MAPK8IP3: variants seen among roughly 807,000 people sequenced by gnomAD.
The protein encoded by MAPK8IP3 is C-Jun-amino-terminal kinase-interacting protein 3.
Under a neutral mutation model 157.8 loss-of-function variants are expected in MAPK8IP3, and 49 were observed. The observed-to-expected ratio is 0.31, with a 90% CI of 0.25 to 0.39. The LOEUF (loss-of-function observed/expected upper bound fraction) is 0.39, where lower values mean the gene tolerates loss of function less well. Ranked by LOEUF, MAPK8IP3 falls within the 10% of genes least tolerant of loss-of-function variation. The probability of loss-of-function intolerance (pLI) is 1.00; values close to 1 mark genes in which losing one functional copy is unlikely to be tolerated. For synonymous variants in MAPK8IP3, 897 were observed against 777.7 expected (o/e 1.15, Z -2.55); for missense variants, 1,478 against 1,889.4 (o/e 0.78, Z 4.04).
At chr16:1,767,085 C>T in intron 25 of MAPK8IP3, 64 bp from the exon 26 acceptor site, 3 of 1,595,804 alleles carry the variant, frequency 1.9e-6, no homozygotes, top group East Asian at 2.2e-5. Context: ...GGTGTCTCAA[C>T]CCGATGCCCT....
chr16:1,759,861 AC>A (rs1282928464), intron 10 of MAPK8IP3, 96 bp from the exon 11 acceptor site: 11 of 1,085,272 alleles, frequency 1.0e-5, no homozygotes, highest in African/African-American at 4.6e-5. Flanking sequence ...CAGCCAGGCT[AC>A]CCTCTTTGGA....
chr16:1,734,010 C>A (rs767050046), intron 4 of MAPK8IP3, among the ~76,000 whole-genome samples: 15 of 152,236 alleles, frequency 9.9e-5, no homozygotes, highest in African/African-American at 1.9e-4. Flanking sequence ...AGGAAGCCTC[C>A]ATTTGTGAAA....
At chr16:1,739,130 G>A (rs1370927658) in intron 4 of MAPK8IP3, among the ~76,000 whole-genome samples, 19 of 126,972 alleles carry the variant, frequency 1.5e-4, no homozygotes, top group Non-Finnish European at 2.5e-4. Context: ...CCGTGTGAGC[G>A]TGTGACCGTC....
intron 4 of MAPK8IP3, among the ~76,000 whole-genome samples, chr16:1,736,120 G>A (rs1430527200): frequency 2.2e-5 from 3 of 134,490 alleles, no homozygotes; most frequent in African/African-American, 8.4e-5. Context: ...GTGACCGTCC[G>A]TGTGTGTGAC....
Position 1,767,714 on chromosome 16 carries a change from C to T in MAPK8IP3, c.3388C>T (p.Pro1130Ser). 6.2e-7 allele frequency: 1 copy of T among 1,612,734 alleles called. No individual in the cohort carries two copies. The highest frequency in any genetic ancestry group is 8.5e-7 in the Non-Finnish European group (1 of 1,179,956). The change falls in exon 27 of 32, where the codon CCC becomes TCC. Residue 1130 changes from proline to serine, a missense_variant. Pro to Ser is a moderately conservative substitution (Grantham distance 74). This residue lies in a region of MAPK8IP3 where 68 missense variants were observed against 125.1 expected (regional missense o/e 0.54). Coordinates refer to ENST00000610761, the MANE Select transcript of MAPK8IP3 (RefSeq NM_001318852.2). ...GCATCTACAGGACGTGGACATTGAG[C>T]CCTACGTCAGCAAGATGCTAGGTGA... ...HQHLQDVDIE[P>S]YVSKMLGTGK...
In MAPK8IP3 at chr16:1,724,728, G is replaced by T. The variant is rs1390513494; in HGVS notation, c.439+51G>T. 6.3e-7 allele frequency: 1 copy of T among 1,590,012 alleles called. No homozygotes were observed. The highest frequency in any genetic ancestry group is 8.6e-7 in the Non-Finnish European group (1 of 1,165,442). The stretch of plus-strand genomic sequence containing the variant: ...GCGCGCTTGATGGGCGCTGCTCTGG[G>T]ACGGCTCTGGTTGGGGTGGGCATGG... On this transcript the variant is annotated intron_variant, in intron 2 of 31. Transcript: ENST00000610761. This position sits in a 1 kb window ranked among gnomAD's most constrained non-coding sequence, Gnocchi z 4.1.
intron 5 of MAPK8IP3, chr16:1,745,160 G>A (rs937452221): frequency 2.3e-5 from 23 of 985,290 alleles, no homozygotes; most frequent in African/African-American, 1.2e-4. Flanking sequence ...GTAGGGTGAC[G>A]GAGAGCTAGG....
intron 4 of MAPK8IP3, among the ~76,000 whole-genome samples, chr16:1,730,995 C>T (rs1445556047): frequency 6.6e-6 from 1 of 152,038 alleles, no homozygotes; most frequent in Non-Finnish European, 1.5e-5. Context: ...CAAAAATTAG[C>T]TGGGTGTGGT....
At chr16:1,736,596 ATG>A (rs1402867615) in intron 4 of MAPK8IP3, among the ~76,000 whole-genome samples, 2 of 31,302 alleles carry the variant, frequency 6.4e-5, no homozygotes, top group Admixed American at 7.2e-4. Context: ...GTGACCATCC[ATG>A]TGAGCATCCG....
At chr16:1,735,816 C>A (rs553148613) in intron 4 of MAPK8IP3, among the ~76,000 whole-genome samples, 2 of 136,684 alleles carry the variant, frequency 1.5e-5, no homozygotes, top group Non-Finnish European at 3.1e-5. Flanking sequence ...TGTGACCATC[C>A]GTGTGACCGT....
At chr16:1,709,669 G>A (rs2037637119) in intron 1 of MAPK8IP3, among the ~76,000 whole-genome samples, 1 of 152,258 alleles carries the variant, frequency 6.6e-6, no homozygotes, top group South Asian at 2.1e-4. Flanking sequence ...CAGCTGAACG[G>A]GGTGGGGGCT....
intron 1 of MAPK8IP3, among the ~76,000 whole-genome samples, chr16:1,708,795 G>C (rs1024937970): frequency 2.6e-5 from 4 of 152,128 alleles, no homozygotes; most frequent in African/African-American, 9.7e-5. Flanking sequence ...ACGCTAACGG[G>C]GCGCCCTTGG....
chr16:1,736,548 G>C (rs1267633377), intron 4 of MAPK8IP3, among the ~76,000 whole-genome samples: 6 of 72,944 alleles, frequency 8.2e-5, no homozygotes, highest in Admixed American at 1.9e-4. Context: ...ATCCGTGTGA[G>C]CGTGTGACTG....
chr16:1,765,261 C>G (rs528931157), intron 20 of MAPK8IP3, 83 bp downstream of exon 20: 1 of 1,458,368 alleles, frequency 6.9e-7, no homozygotes, highest in Admixed American at 2.1e-5. Flanking sequence ...CACACAGCAG[C>G]TGCCTTCTCG....
At chr16:1,727,216 C>T (rs1307624072) in intron 2 of MAPK8IP3, among the ~76,000 whole-genome samples, 7 of 146,944 alleles carry the variant, frequency 4.8e-5, no homozygotes, top group Admixed American at 4.1e-4. Context: ...CTGTGTGCGG[C>T]GTCTGAGTGA....
At chr16:1,759,340 G>A (rs540414095) in intron 10 of MAPK8IP3, among the ~76,000 whole-genome samples, 210 of 152,352 alleles carry the variant, frequency 1.4e-3, no homozygotes, top group African/African-American at 4.7e-3. Context: ...AGGCACAGAG[G>A]CGTGTGATGC....
chr16:1,768,547 T>G lies in MAPK8IP3; in HGVS notation c.3813T>G (p.Pro1271=), dbSNP rs543076508. ...CCGAGGGCCCTGGGCCAGCTGCCCC[T>G]GCCTCGGAGGTCGAGGGCCAGAAGC... ...SPAEGPGPAA[P]ASEVEGQKLR... is the part of the protein sequence containing the mutation. The change falls in exon 31 of 32, where the codon CCT becomes CCG. Residue 1271 remains proline (P), a synonymous_variant. Transcript: ENST00000610761. 1.9e-5 allele frequency: 29 copies of G among 1,566,808 alleles called. No individual in the cohort carries two copies. The highest frequency in any genetic ancestry group is 2.3e-5 in the Non-Finnish European group (27 of 1,156,980).
In MAPK8IP3 at chr16:1,726,443, G is replaced by A. The variant is rs540510884; in HGVS notation, c.439+1766G>A. Among the ~76,000 whole-genome samples the A allele has an allele frequency of 2.6e-5, 4 of 152,326 alleles. No individual in the cohort carries two copies. The East Asian group carries it at 5.8e-4, about 22-fold the overall frequency. ...TAACTTCCACACTTTGGGAGGCTGA[G>A]GGGGAAGGATCCCTTGAGCTCAAGA... On this transcript the variant is annotated intron_variant, in intron 2 of 31. Coordinates refer to ENST00000610761, the MANE Select transcript of MAPK8IP3 (RefSeq NM_001318852.2).
intron 20 of MAPK8IP3, 65 bp from the exon 21 acceptor site, chr16:1,765,895 T>C: frequency 6.9e-7 from 1 of 1,452,124 alleles, no homozygotes; most frequent in Non-Finnish European, 9.4e-7. Context: ...CCTGTGTAAG[T>C]GCTGGGCACG....
Sources: allele counts gnomAD v4.1 joint callset (sites outside exome capture counted in the v4.1 genomes callset), GRCh38; gene constraint gnomAD v4.1.1; regional missense constraint gnomAD v4.1.1; non-coding constraint Gnocchi (gnomAD v3.1); transcripts MANE v1.5; gene names NCBI Gene and HGNC (gene_info 2026-07-23, HGNC 2026-07-21).